The following MYO9A variants were observed in gnomAD, a reference collection of about 807,000 sequenced individuals.
The protein encoded by MYO9A is myosin IXA, also known as unconventional myosin-IXa.
MYO9A carries 103 observed loss-of-function variants against 293.3 expected under a neutral mutation model. That is an observed-to-expected ratio of 0.35 (90% CI 0.30 to 0.41). MYO9A has a LOEUF of 0.41. Ranked by LOEUF, MYO9A falls within the 10% of genes least tolerant of loss-of-function variation. MYO9A has a pLI of 1.00. For synonymous variants in MYO9A, 1,001 were observed against 1,035.7 expected (o/e 0.97, Z 0.64); for missense variants, 2,685 against 3,033.0 (o/e 0.89, Z 2.69).
chr15:71,825,737 G>T lies in MYO9A; in HGVS notation c.*843C>A, dbSNP rs1477868282. 1 of 152,090 alleles carries T rather than the reference G, an allele frequency of 6.6e-6. No individual in the cohort carries two copies. Among genetic ancestry groups the T allele is most frequent in the African/African-American group, 2.4e-5 (1 of 41,406 alleles). The allele number at this position is 152,090 out of a possible 1,614,324, so 9.4% of individuals were successfully genotyped here. On this transcript the variant is annotated 3_prime_UTR_variant, in exon 42 of 42. Coordinates refer to ENST00000356056, the MANE Select transcript of MYO9A (RefSeq NM_006901.4). Reference sequence around the variant, plus strand: ...TAGGATGAAACCTTCATAAGTTTAGGGATCACCATGTCTCTGGGAAACTAA... The same window carrying T: ...TAGGATGAAACCTTCATAAGTTTAGTGATCACCATGTCTCTGGGAAACTAA...
At chr15:72,013,182 T>C (rs1348821440) in intron 6 of MYO9A, among the ~76,000 whole-genome samples, 1 of 152,178 alleles carries the variant, frequency 6.6e-6, no homozygotes. Context: ...CTAACTACTA[T>C]GAAAGTAGTT....
chr15:72,102,076 A>ACAAAC (rs2080368594), intron 1 of MYO9A, among the ~76,000 whole-genome samples: 1 of 151,124 alleles, frequency 6.6e-6, no homozygotes, highest in Non-Finnish European at 1.5e-5. Flanking sequence ...AGATTGAGAA[A>ACAAAC]TCGGATGGTT....
intron 16 of MYO9A, among the ~76,000 whole-genome samples, chr15:71,937,113 T>C (rs1000151224): frequency 1.3e-5 from 2 of 152,008 alleles, no homozygotes; most frequent in African/African-American, 4.8e-5. Context: ...GTGAAAAGTG[T>C]TGAAATGACA....
chr15:72,011,284 T>G (rs1455233273), intron 6 of MYO9A, among the ~76,000 whole-genome samples: 1 of 151,918 alleles, frequency 6.6e-6, no homozygotes, highest in African/African-American at 2.4e-5. Context: ...AGTGCTAGAA[T>G]TACAGGCGTG....
At chr15:71,963,310 C>T (rs1338164787) in intron 13 of MYO9A, among the ~76,000 whole-genome samples, 2 of 152,144 alleles carry the variant, frequency 1.3e-5, no homozygotes, top group African/African-American at 4.8e-5. Flanking sequence ...ATCTCGAACT[C>T]CAGGACTTAA....
intron 32 of MYO9A, among the ~76,000 whole-genome samples, chr15:71,874,397 G>A (rs567431162): frequency 3.9e-4 from 59 of 152,114 alleles, no homozygotes; most frequent in Non-Finnish European, 6.6e-4. Context: ...GGGAAGTGAT[G>A]GCAGCAAATG....
At chr15:71,866,225 G>GACC (rs2056319164) in intron 32 of MYO9A, among the ~76,000 whole-genome samples, 2 of 152,152 alleles carry the variant, frequency 1.3e-5, no homozygotes, top group Admixed American at 1.3e-4. Context: ...AACCCCTGTA[G>GACC]ACCACACTTT....
At chr15:71,957,632 G>T (rs936850812) in intron 14 of MYO9A, among the ~76,000 whole-genome samples, 3 of 152,022 alleles carry the variant, frequency 2.0e-5, no homozygotes, top group Non-Finnish European at 2.9e-5. Context: ...TCACTAGAAC[G>T]CTTCTCCCAC....
intron 16 of MYO9A, 58 bp from the exon 17 acceptor site, chr15:71,935,542 A>C: frequency 7.0e-7 from 1 of 1,425,822 alleles, no homozygotes; most frequent in Non-Finnish European, 9.4e-7. Context: ...TATACTGCTT[A>C]AATAAGTAAA....
chr15:72,006,133 A>T (rs2077010163), intron 8 of MYO9A, among the ~76,000 whole-genome samples: 1 of 152,194 alleles, frequency 6.6e-6, no homozygotes, highest in Non-Finnish European at 1.5e-5. Flanking sequence ...GCTGGAGTGT[A>T]GTGGCACGAT....
intron 18 of MYO9A, among the ~76,000 whole-genome samples, chr15:71,932,181 C>T (rs2058494818): frequency 6.6e-6 from 1 of 152,154 alleles, no homozygotes; most frequent in Admixed American, 6.5e-5. Flanking sequence ...GTGAAGCTGA[C>T]AGTAGGATTC....
chr15:72,013,003 A>T (rs1001136954), intron 6 of MYO9A, among the ~76,000 whole-genome samples: 6 of 152,218 alleles, frequency 3.9e-5, no homozygotes, highest in Non-Finnish European at 1.5e-5. Flanking sequence ...TGTTTCTCTG[A>T]TGATAACTGT....
intron 1 of MYO9A, among the ~76,000 whole-genome samples, chr15:72,107,699 A>G (rs2080620940): frequency 1.3e-5 from 2 of 152,074 alleles, no homozygotes; most frequent in Admixed American, 1.3e-4. Flanking sequence ...TGTACCCAAA[A>G]GTAAGGAATC....
At chr15:71,844,917 C>T (rs969880913) in intron 39 of MYO9A, among the ~76,000 whole-genome samples, 1 of 152,128 alleles carries the variant, frequency 6.6e-6, no homozygotes, top group African/African-American at 2.4e-5. Flanking sequence ...AGAAAGTACA[C>T]GTTACTAGGG....
At chr15:71,968,215 T>G in intron 12 of MYO9A, 90 bp from the exon 13 acceptor site, 1 of 1,094,352 alleles carries the variant, frequency 9.1e-7, no homozygotes, top group Non-Finnish European at 1.2e-6. Context: ...ACATTACAAT[T>G]ACATTGCCAT....
intron 33 of MYO9A, among the ~76,000 whole-genome samples, chr15:71,860,668 TA>T (rs199627068): frequency 6.6e-6 from 1 of 152,010 alleles, no homozygotes; most frequent in African/African-American, 2.4e-5. Flanking sequence ...CTAATTCTAT[TA>T]AAAAATCAAA....
Position 71,825,316 on chromosome 15 carries a change from GGGAA to G in MYO9A, c.*1260_*1263del, listed in dbSNP as rs1243717428. ...CCTCATCTGTGGGAAGAAATTCCAT[GGGAA>G]GGAGGGAAGCACAAGGTTAAAAAGA... is the stretch of plus-strand genomic sequence containing the variant. On this transcript the variant is annotated 3_prime_UTR_variant, in exon 42 of 42. Transcript: ENST00000356056. 6.6e-6 allele frequency: 1 copy of G among 152,110 alleles called. No individual in the cohort carries two copies. The highest frequency in any genetic ancestry group is 1.5e-5 in the Non-Finnish European group (1 of 68,028). The allele number at this position is 152,110 out of a possible 1,614,324, so 9.4% of individuals were successfully genotyped here.
intron 39 of MYO9A, among the ~76,000 whole-genome samples, chr15:71,837,534 C>T (rs1261690383): frequency 1.3e-5 from 2 of 151,944 alleles, no homozygotes; most frequent in Non-Finnish European, 2.9e-5. Context: ...GTCCACATTC[C>T]AGTATTCAAT....
At chr15:71,915,294 C>T (rs748748243) in intron 19 of MYO9A, among the ~76,000 whole-genome samples, 2 of 152,016 alleles carry the variant, frequency 1.3e-5, no homozygotes, top group African/African-American at 2.4e-5. Context: ...CAACCAAATG[C>T]CATTAACCCA....
Sources: allele counts gnomAD v4.1 joint callset (sites outside exome capture counted in the v4.1 genomes callset), GRCh38; gene constraint gnomAD v4.1.1; transcripts MANE v1.5; gene names NCBI Gene and HGNC (gene_info 2026-07-23, HGNC 2026-07-21).